Variants in SLC25A24 observed in about 807,000 individuals in gnomAD.
SLC25A24 encodes solute carrier family 25 member 24.
SLC25A24 carries 49 observed loss-of-function variants against 60.7 expected under a neutral mutation model. That is an observed-to-expected ratio of 0.81 (90% confidence interval 0.64 to 1.02). The LOEUF (loss-of-function observed/expected upper bound fraction) is 1.02. SLC25A24 is among the 50% of genes least tolerant of loss of function. The pLI is 0.00. For synonymous variants in SLC25A24, 202 were observed against 200.6 expected, an observed-to-expected ratio of 1.01 and a Z score of -0.06; for missense variants, 564 against 586.3, an observed-to-expected ratio of 0.96 and a Z score of 0.39.
chr1:108,170,171 T>C (rs1647400488), intron 3 of SLC25A24, among the ~76,000 whole-genome samples: 1 of 152,188 alleles, frequency 6.6e-6, no homozygotes. Context: ...TTCCATAAGT[T>C]TTAATGTTTT....
rs1207771650 is a variant in SLC25A24, at chr1:108,166,119, G to GC, written c.399-4827dup. Among the ~76,000 whole-genome samples, 3 of 152,222 alleles carry GC rather than the reference G, an allele frequency of 2.0e-5. No individual in the cohort carries two copies. In the East Asian group the frequency reaches 5.8e-4, roughly 29 times the overall value. On this transcript the variant is annotated intron_variant, in intron 3 of 9. Transcript: ENST00000565488. ...TTTTCTTTAAGAATGTTGAATATTGGCCCCCACTCTCTTCTGGTTTGTAGA... is the reference window on the plus strand; with the variant it reads ...TTTTCTTTAAGAATGTTGAATATTGGCCCCCCACTCTCTTCTGGTTTGTAGA...
intron 6 of SLC25A24, among the ~76,000 whole-genome samples, chr1:108,153,084 A>G (rs1008084433): frequency 3.9e-5 from 6 of 152,316 alleles, no homozygotes; most frequent in Admixed American, 2.0e-4. Flanking sequence ...GTACACAGGT[A>G]GACCTACAGT....
rs554709 is a variant in SLC25A24 at position 108,200,270 on chromosome 1, T to G, written c.-132A>C. On this transcript the variant is annotated 5_prime_UTR_variant, in exon 1 of 10. Transcript: ENST00000565488. ...AACAGCGTTTGGGGCGCCGTCGGGG[T>G]TGCGGCTGCGGCGCGCAGGGCGCAG... 0.22 allele frequency: 187,840 copies of G among 863,612 alleles called. 22,702 individuals carry two copies. The highest frequency in any genetic ancestry group is 0.32 in the African/African-American group (18,008 of 55,780). 53.5% of individuals were successfully genotyped at this position (863,612 alleles called of 1,614,324 possible).
At chr1:108,148,104 T>C (rs1679657118) in intron 7 of SLC25A24, among the ~76,000 whole-genome samples, 175 bp downstream of exon 7, 1 of 152,088 alleles carries the variant, frequency 6.6e-6, no homozygotes, top group Admixed American at 6.5e-5. Flanking sequence ...CTGTGGGCTG[T>C]GAAAAACCCT....
In SLC25A24 at chr1:108,161,355, T is replaced by C. The variant is rs888678186; in HGVS notation, c.399-62A>G. 23 of 847,510 alleles carry C rather than the reference T, an allele frequency of 2.7e-5. No individual in the cohort carries two copies. In the Admixed American group the frequency reaches 4.7e-4, roughly 17 times the overall value. 52.5% of individuals were successfully genotyped at this position (847,510 alleles called of 1,614,324 possible). ...AATTGATAAATAAAACTAACATTAT[T>C]GGCCACTTTACAGAATGACAGTTTC... On this transcript the variant is annotated intron_variant, in intron 3 of 9. Transcript: ENST00000565488.
At chr1:108,163,537 AT>A (rs1680151930) in intron 3 of SLC25A24, among the ~76,000 whole-genome samples, 1 of 151,710 alleles carries the variant, frequency 6.6e-6, no homozygotes, top group Admixed American at 6.6e-5. Flanking sequence ...ATTCCTAGGT[AT>A]TTTATTCTCT....
chr1:108,153,211 T>C (rs1272191189), intron 6 of SLC25A24, among the ~76,000 whole-genome samples: 1 of 152,174 alleles, frequency 6.6e-6, no homozygotes, highest in African/African-American at 2.4e-5. Flanking sequence ...GACACTACTA[T>C]GGTAATGACA....
At chr1:108,165,578 G>A (rs890389452) in intron 3 of SLC25A24, among the ~76,000 whole-genome samples, 1 of 152,036 alleles carries the variant, frequency 6.6e-6, no homozygotes, top group Non-Finnish European at 1.5e-5. Flanking sequence ...GATCTTTGTT[G>A]GTTTAAAGTC....
intron 6 of SLC25A24, among the ~76,000 whole-genome samples, chr1:108,148,962 C>T (rs919715619): frequency 6.6e-6 from 1 of 152,172 alleles, no homozygotes; most frequent in African/African-American, 2.4e-5. Flanking sequence ...GTCAGATTTC[C>T]ACAAAACACA....
chr1:108,187,927 G>GATATAGATATATATAT (rs1553256783), intron 1 of SLC25A24, among the ~76,000 whole-genome samples: 1 of 95,748 alleles, frequency 1.0e-5, no homozygotes, highest in Non-Finnish European at 2.1e-5. Context: ...AGACATTATA[G>GATATAGATATATATAT]ATATATATAT....
chr1:108,144,084 A>G (rs1046506032), intron 7 of SLC25A24, among the ~76,000 whole-genome samples: 1 of 152,178 alleles, frequency 6.6e-6, no homozygotes, highest in Non-Finnish European at 1.5e-5. Context: ...GGAGTTGGGA[A>G]GGTGATACTA....
intron 4 of SLC25A24, among the ~76,000 whole-genome samples, chr1:108,159,057 G>T (rs1037819203): frequency 7.2e-5 from 11 of 152,154 alleles, no homozygotes; most frequent in Admixed American, 6.5e-4. Context: ...AACTCCTTCA[G>T]AGAGTTCCTA....
intron 3 of SLC25A24, among the ~76,000 whole-genome samples, chr1:108,174,048 A>T (rs1647577084): frequency 6.6e-6 from 1 of 152,228 alleles, no homozygotes; most frequent in South Asian, 2.1e-4. Context: ...AGAAAAGAAA[A>T]ATCTATTTTC....
chr1:108,160,027 T>C (rs1680014988), intron 4 of SLC25A24, among the ~76,000 whole-genome samples: 1 of 151,936 alleles, frequency 6.6e-6, no homozygotes, highest in African/African-American at 2.4e-5. Flanking sequence ...GCTCCTCACT[T>C]CCCTGTAGGG....
chr1:108,143,847 C>A (rs1679513550), intron 7 of SLC25A24, 137 bp from the exon 8 acceptor site: 2 of 699,592 alleles, frequency 2.9e-6, no homozygotes, highest in Middle Eastern at 3.5e-4. Flanking sequence ...TTGATACATT[C>A]TCTTTCATGT....
Position 108,161,304 on chromosome 1 carries a change from A to T in SLC25A24, c.399-11T>A, listed in dbSNP as rs748139237. 3.4e-5 allele frequency: 47 copies of T among 1,382,708 alleles called. No homozygotes were observed. The highest frequency in any genetic ancestry group is 1.8e-4 in the Middle Eastern group (1 of 5,610). 85.7% of individuals were successfully genotyped at this position (1,382,708 alleles called of 1,614,324 possible). A position where few individuals can be genotyped will look rare whatever the true frequency, so the allele number is the denominator to read the frequency against. On this transcript the variant is annotated splice_polypyrimidine_tract_variant and intron_variant, in intron 3 of 9. Coordinates refer to ENST00000565488, the MANE Select transcript of SLC25A24 (RefSeq NM_013386.5). ...CCATCAACATCAATGCTGAAATTTT[A>T]AAAAAATGATCAAAGTACAAAACTA...
intron 3 of SLC25A24, among the ~76,000 whole-genome samples, chr1:108,178,616 C>G (rs1286305272): frequency 1.3e-5 from 2 of 152,096 alleles, no homozygotes; most frequent in Non-Finnish European, 2.9e-5. Flanking sequence ...AGATCAAGAC[C>G]ATCCTGGCTA....
At chr1:108,137,966 G>C (rs1377456225) in intron 9 of SLC25A24, among the ~76,000 whole-genome samples, 1 of 152,202 alleles carries the variant, frequency 6.6e-6, no homozygotes, top group Non-Finnish European at 1.5e-5. Context: ...GCCTGCCTCA[G>C]TGTCTTCACA....
chr1:108,164,753 A>C (rs1363880647), intron 3 of SLC25A24, among the ~76,000 whole-genome samples: 5 of 115,748 alleles, frequency 4.3e-5, no homozygotes, highest in Non-Finnish European at 8.9e-5. Flanking sequence ...CAGCTCCTGG[A>C]TTCATTAATT....
Sources: gnomAD v4.1 joint callset for allele counts (sites outside exome capture counted in the v4.1 genomes callset) on GRCh38, gnomAD v4.1.1 for gene constraint, MANE v1.5 for transcripts, NCBI Gene and HGNC (gene_info 2026-07-23, HGNC 2026-07-21) for gene names.